ELMO1: variants seen among roughly 807,000 people sequenced by gnomAD.
The protein encoded by ELMO1 is engulfment and cell motility protein 1.
A neutral mutation model predicts 98.9 loss-of-function variants in ELMO1; 26 were observed. The ratio of observed to expected loss-of-function variants is 0.26; its 90% confidence interval spans 0.19 to 0.36. The LOEUF (loss-of-function observed/expected upper bound fraction) is 0.36. Ranked by LOEUF, ELMO1 falls within the 10% of genes least tolerant of loss-of-function variation. The pLI, the probability that ELMO1 is intolerant of heterozygous loss-of-function variation, is 1.00. For missense variants in ELMO1, 627 were observed against 935.2 expected, an observed-to-expected ratio of 0.67 and a Z score of 4.30; for synonymous variants, 346 against 346.0, an observed-to-expected ratio of 1.00 and a Z score of 0.00.
At chr7:36,941,823 T>G (rs1787064685) in intron 16 of ELMO1, among the ~76,000 whole-genome samples, 1 of 152,236 alleles carries the variant, frequency 6.6e-6, no homozygotes, top group Non-Finnish European at 1.5e-5. Context: ...CAAAACATCC[T>G]GAGAGGGGGG....
At chr7:36,981,635 A>G (rs1015713076) in intron 16 of ELMO1, among the ~76,000 whole-genome samples, 3 of 152,118 alleles carry the variant, frequency 2.0e-5, no homozygotes, top group African/African-American at 7.2e-5. Flanking sequence ...CTGAGTTGAG[A>G]GAGGGGCCAG....
At chr7:37,113,611 T>C (rs763439657) in intron 14 of ELMO1, among the ~76,000 whole-genome samples, 3 of 152,144 alleles carry the variant, frequency 2.0e-5, no homozygotes, top group East Asian at 1.9e-4. Context: ...GTACCTGGTA[T>C]GTTCACGGCC....
chr7:37,255,236 A>G (rs529143245), intron 6 of ELMO1, among the ~76,000 whole-genome samples: 2 of 152,280 alleles, frequency 1.3e-5, no homozygotes, highest in East Asian at 1.9e-4. Context: ...CCCTAATCCA[A>G]TCTGACTCTT....
At chr7:37,102,291 G>A (rs1452134441) in intron 14 of ELMO1, among the ~76,000 whole-genome samples, 2 of 152,100 alleles carry the variant, frequency 1.3e-5, no homozygotes, top group Non-Finnish European at 2.9e-5. Flanking sequence ...AAAGAACCCT[G>A]AGCTGCCTCA....
intron 16 of ELMO1, among the ~76,000 whole-genome samples, chr7:36,941,257 T>G (rs192955563): frequency 8.6e-4 from 131 of 152,336 alleles, no homozygotes; most frequent in African/African-American, 3.0e-3. Context: ...CAGATTTGCT[T>G]TTTATATAGT....
At chr7:37,299,666 T>A (rs1264298805) in intron 4 of ELMO1, among the ~76,000 whole-genome samples, 1 of 74,890 alleles carries the variant, frequency 1.3e-5, no homozygotes, top group African/African-American at 4.1e-5. Context: ...TTTTGGTTAC[T>A]GTAGCCTTGT....
intron 1 of ELMO1, among the ~76,000 whole-genome samples, chr7:37,346,633 C>A (rs2700987): frequency 0.6 from 91,746 of 152,138 alleles, 28,095 homozygotes; most frequent in East Asian, 0.91. Flanking sequence ...CATATCCTAG[C>A]ATAAGAATTA....
chr7:37,394,158 GC>G (rs1003693499), intron 1 of ELMO1, among the ~76,000 whole-genome samples: 7 of 152,150 alleles, frequency 4.6e-5, no homozygotes, highest in African/African-American at 1.7e-4. Flanking sequence ...ACAATACCCT[GC>G]CCCAAAGGAG....
intron 16 of ELMO1, among the ~76,000 whole-genome samples, chr7:36,937,751 G>A (rs970673234): frequency 2.6e-5 from 4 of 152,108 alleles, no homozygotes; most frequent in African/African-American, 4.8e-5. Context: ...CACAATACCC[G>A]TTGTTTAAAA....
intron 1 of ELMO1, among the ~76,000 whole-genome samples, chr7:37,372,331 G>C (rs1342726777): frequency 6.6e-6 from 1 of 152,184 alleles, no homozygotes; most frequent in African/African-American, 2.4e-5. Flanking sequence ...CTAGCCAGGT[G>C]ATTCTGGGTA....
intron 2 of ELMO1, among the ~76,000 whole-genome samples, chr7:37,321,633 C>T (rs1269849863): frequency 7.2e-6 from 1 of 138,854 alleles, no homozygotes; most frequent in Non-Finnish European, 1.5e-5. Flanking sequence ...AGGAGAATGG[C>T]GTGAACTCGG....
chr7:37,111,045 T>A (rs1194424957), intron 14 of ELMO1, among the ~76,000 whole-genome samples: 2 of 152,356 alleles, frequency 1.3e-5, no homozygotes, highest in East Asian at 3.8e-4. Flanking sequence ...TCTACCAGCA[T>A]CAGCTGCCCC....
rs143355557 is a variant in ELMO1, at chr7:37,019,594, A to C, written c.1301-6159T>G. On this transcript the variant is annotated intron_variant, in intron 15 of 21. Transcript: ENST00000310758. ...AAGAATAGAGTTCTTAGGTTTAAAT[A>C]AACAAAGAAAACCAGGAAGGGTGAG... Among the ~76,000 whole-genome samples, 451 of 152,326 alleles carry C rather than the reference A, an allele frequency of 3.0e-3. 3 individuals carry two copies. The highest frequency in any genetic ancestry group is 0.01 in the African/African-American group (429 of 41,552).
At chr7:37,287,728 C>A (rs1797467346) in intron 4 of ELMO1, among the ~76,000 whole-genome samples, 1 of 152,134 alleles carries the variant, frequency 6.6e-6, no homozygotes, top group Non-Finnish European at 1.5e-5. Context: ...GGAAGGAGAT[C>A]CAAATTCCCA....
intron 1 of ELMO1, among the ~76,000 whole-genome samples, chr7:37,380,737 T>TA (rs1482417975): frequency 6.6e-6 from 1 of 152,244 alleles, no homozygotes; most frequent in African/African-American, 2.4e-5. Context: ...TGTGCAACTT[T>TA]ATTTTATGTG....
At position 37,131,971 on chromosome 7, in the gene ELMO1, G is replaced by A. The variant is rs116336545; in HGVS notation, c.1191+1159C>T. ...TGGTACAGTTTTTCACTGTGCCGAC[G>A]GTCCCATAGATTACAGATTTTGGCC... On this transcript the variant is annotated intron_variant, in intron 14 of 21. Coordinates refer to ENST00000310758, the MANE Select transcript of ELMO1 (RefSeq NM_014800.11). 3.9e-3 allele frequency among the ~76,000 whole-genome samples: 587 copies of A among 152,224 alleles called. 3 individuals are homozygous for A. The highest frequency in any genetic ancestry group is 0.014 in the African/African-American group (570 of 41,530).
intron 17 of ELMO1, among the ~76,000 whole-genome samples, chr7:36,894,615 C>T (rs1805837431): frequency 1.3e-5 from 2 of 152,194 alleles, no homozygotes; most frequent in Admixed American, 1.3e-4. Flanking sequence ...GGACTTGTCA[C>T]TAACAGGGCC....
intron 14 of ELMO1, among the ~76,000 whole-genome samples, chr7:37,126,329 A>ATATATATATATAT (rs1563019733): frequency 2.8e-5 from 4 of 142,410 alleles, no homozygotes; most frequent in South Asian, 2.2e-4. Context: ...ATATATATAT[A>ATATATATATATAT]AAAGAAAAGA....
intron 20 of ELMO1, chr7:36,862,160 A>G: frequency 4.9e-6 from 1 of 204,042 alleles, no homozygotes; most frequent in South Asian, 8.8e-5. Flanking sequence ...ACTCCCAATC[A>G]ACAGGATTAA....
Sources: gnomAD v4.1 joint callset for allele counts (sites outside exome capture counted in the v4.1 genomes callset) on GRCh38, gnomAD v4.1.1 for gene constraint, MANE v1.5 for transcripts, NCBI Gene and HGNC (gene_info 2026-07-23, HGNC 2026-07-21) for gene names.